SLX4: variants seen among roughly 807,000 people sequenced by gnomAD.
SLX4 encodes the protein structure-specific endonuclease subunit SLX4.
A neutral mutation model predicts 146.2 loss-of-function variants in SLX4; 112 were observed. The ratio of observed to expected loss-of-function variants is 0.77; its 90% confidence interval spans 0.66 to 0.90. The LOEUF is 0.90. Ranked by LOEUF, SLX4 falls within the 40% of genes least tolerant of loss-of-function variation. The pLI, the probability that SLX4 is intolerant of heterozygous loss-of-function variation, is 0.00. For missense variants in SLX4, 2,563 were observed against 2,392.7 expected, an observed-to-expected ratio of 1.07 and a Z score of -1.49; for synonymous variants, 1,061 against 997.7, an observed-to-expected ratio of 1.06 and a Z score of -1.20.
chr16:3,594,568 C>T lies in SLX4; in HGVS notation c.2045G>A (p.Gly682Asp). ...CAGGTGTGGGTTATTGACCATGGCG[C>T]CAAAGTCAGCAACCAGCAGCCCGAG... The part of the protein sequence containing the change: ...LSLGLLVADF[G>D]AMVNNPHLSD... Residue 682 changes from glycine to aspartate, a missense_variant, in exon 10 of 15, where the codon GGC becomes GAC. Gly to Asp is a moderately conservative substitution (Grantham distance 94). Coordinates refer to ENST00000294008, the MANE Select transcript of SLX4 (RefSeq NM_032444.4). 6.2e-7 allele frequency: 1 copy of T among 1,614,066 alleles called. No individual in the cohort carries two copies. The highest frequency in any genetic ancestry group is 8.5e-7 in the Non-Finnish European group (1 of 1,179,974).
At position 3,598,103 on chromosome 16, in the gene SLX4, G is replaced by A. The variant is rs561529828; in HGVS notation, c.1164-104C>T. On this transcript the variant is annotated intron_variant, in intron 5 of 14. Transcript: ENST00000294008. ...GGGCTGGGCCTGAGAGAAAAGTGAC[G>A]GATGTGGACCTGCCAGGCAGATGCG... 4.4e-4 allele frequency: 592 copies of A among 1,351,838 alleles called. 3 individuals carry two copies. Among genetic ancestry groups the A allele is most frequent in the Admixed American group, 3.5e-4 (20 of 56,496 alleles). The allele number at this position is 1,351,838 out of a possible 1,614,324, so 83.7% of individuals were successfully genotyped here.
chr16:3,590,561 T>A lies in SLX4; in HGVS notation c.3077A>T (p.Gln1026Leu), dbSNP rs2040574298. Residue 1026 changes from glutamine to leucine, a missense_variant, in exon 12 of 15, where the codon CAG (glutamine) becomes CTG (leucine). Physicochemically the swap from Gln to Leu is moderately radical, Grantham distance 113. Transcript: ENST00000294008. The surrounding 1 kb of genome is among the most constrained non-coding windows in gnomAD (Gnocchi z 4.8). ...LEVSHRLAPW[Q>L]ASPPHPCRFL... ...GCGGCACGGGTGCGGTGGAGATGCC[T>A]GCCAGGGAGCCAGGCGATGAGAAAC... 6 of 1,612,100 alleles carry A rather than the reference T, an allele frequency of 3.7e-6. No homozygotes were observed. In the African/African-American group the frequency reaches 6.7e-5, roughly 18 times the overall value.
chr16:3,584,767 A>G lies in SLX4; in HGVS notation c.4739+2T>C, dbSNP rs774356384. ...GGGCAACAAGCTTTGAAGACCGCCA[A>G]CCTATCCAGTTCCTTCTTCAGCACC... On this transcript the variant is annotated splice_donor_variant, in intron 13 of 14. Coordinates refer to ENST00000294008, the MANE Select transcript of SLX4 (RefSeq NM_032444.4). LOFTEE classifies it high-confidence loss of function. The G allele has an allele frequency of 1.2e-5, 20 of 1,611,028 alleles. No individual in the cohort carries two copies. The highest frequency in any genetic ancestry group is 1.7e-5 in the Admixed American group (1 of 60,008).
At chr16:3,599,729 G>C (rs1256914506) in intron 5 of SLX4, among the ~76,000 whole-genome samples, 1 of 152,192 alleles carries the variant, frequency 6.6e-6, no homozygotes, top group East Asian at 1.9e-4. Flanking sequence ...TGGGACTACA[G>C]GTGTGCAGCA....
intron 5 of SLX4, 106 bp from the exon 6 acceptor site, chr16:3,598,105 A>T: frequency 7.5e-7 from 1 of 1,325,410 alleles, no homozygotes; most frequent in Non-Finnish European, 1.1e-6. Flanking sequence ...AAAGTGACGG[A>T]TGTGGACCTG....
At chr16:3,587,327 C>G (rs1224106136) in intron 12 of SLX4, among the ~76,000 whole-genome samples, 1 of 152,136 alleles carries the variant, frequency 6.6e-6, no homozygotes, top group Non-Finnish European at 1.5e-5. Context: ...TGAAACCCGA[C>G]TCTACTAAAA....
Position 3,583,636 on chromosome 16 carries a change from GC to G in SLX4, c.4740-127del, listed in dbSNP as rs1223521149. On this transcript the variant is annotated intron_variant, in intron 13 of 14. Coordinates refer to ENST00000294008, the MANE Select transcript of SLX4 (RefSeq NM_032444.4). ...ATGGCTTGTGTGACAAACCATAGAT[GC>G]CTGACTTCTGTGAGCATCAGAGGTT... is the stretch of plus-strand genomic sequence containing the variant. The G allele has an allele frequency of 3.2e-5, 32 of 1,014,272 alleles. No homozygotes were observed. The Admixed American group carries it at 5.6e-4, about 18-fold the overall frequency. 62.8% of individuals were successfully genotyped at this position (1,014,272 alleles called of 1,614,324 possible). A position where few individuals can be genotyped will look rare whatever the true frequency, so the allele number is the denominator to read the frequency against.
intron 12 of SLX4, among the ~76,000 whole-genome samples, chr16:3,586,836 T>C (rs1046643362): frequency 2.0e-4 from 29 of 146,818 alleles, no homozygotes; most frequent in Non-Finnish European, 3.3e-4. Context: ...AAAAAAAGAA[T>C]AAAAAGGAAT....
Position 3,600,756 on chromosome 16 carries a change from A to G in SLX4, c.1163+223T>C, listed in dbSNP as rs1293922696. On this transcript the variant is annotated intron_variant, in intron 5 of 14. Coordinates refer to ENST00000294008, the MANE Select transcript of SLX4 (RefSeq NM_032444.4). ...GCTGGGACTACAGGCATGTGCCACC[A>G]TGCTAATTTTTGTATTTTTAGTAGA... The G allele has an allele frequency of 1.0e-5, 5 of 501,184 alleles. No homozygotes were observed. The East Asian group carries it at 1.9e-4, about 19-fold the overall frequency. 31.0% of individuals were successfully genotyped at this position (501,184 alleles called of 1,614,324 possible). A position where few individuals can be genotyped will look rare whatever the true frequency, so the allele number is the denominator to read the frequency against.
intron 10 of SLX4, among the ~76,000 whole-genome samples, chr16:3,593,846 A>AT (rs1181426990): frequency 6.6e-6 from 1 of 152,122 alleles, no homozygotes; most frequent in Non-Finnish European, 1.5e-5. Flanking sequence ...AGAGAAAACA[A>AT]TTCTGGGAAA....
chr16:3,591,351 G>C, intron 11 of SLX4, 41 bp from the exon 12 acceptor site: 1 of 1,604,036 alleles, frequency 6.2e-7, no homozygotes. Flanking sequence ...CCTCTGCGTG[G>C]AGATGGGCTC....
chr16:3,608,790 A>T lies in SLX4; in HGVS notation c.175T>A (p.Phe59Ile), dbSNP rs1259509269. The change falls in exon 2 of 15, where the codon TTC (phenylalanine) becomes ATC (isoleucine). Residue 59 changes from phenylalanine to isoleucine, a missense_variant. By Grantham distance (21) the Phe-to-Ile change is conservative. Coordinates refer to ENST00000294008, the MANE Select transcript of SLX4 (RefSeq NM_032444.4). Reference protein sequence around the residue: ...EDFKELCASFFQRVKKHGIKE... With the variant: ...EDFKELCASFIQRVKKHGIKE... Reference sequence around the variant, plus strand: ...ATTCCATGTTTTTTCACCCTTTGGAAAAAGCTAGCGCAGAGTTCTTTAAAG... The same window carrying T: ...ATTCCATGTTTTTTCACCCTTTGGATAAAGCTAGCGCAGAGTTCTTTAAAG... 1 of 1,614,028 alleles carries T rather than the reference A, an allele frequency of 6.2e-7. No homozygotes were observed. Among genetic ancestry groups the T allele is most frequent in the Non-Finnish European group, 8.5e-7 (1 of 1,180,032 alleles).
At chr16:3,584,644 G>A (rs904693227) in intron 13 of SLX4, 125 bp downstream of exon 13, 38 of 807,278 alleles carry the variant, frequency 4.7e-5, no homozygotes, top group Non-Finnish European at 7.8e-5. Context: ...CCCAAGCCCA[G>A]GCCAGCTGCA....
At position 3,590,083 on chromosome 16, in the gene SLX4, G is replaced by T. The variant is rs759621251; in HGVS notation, c.3555C>A (p.Ser1185Arg). 2 of 1,614,166 alleles carry T rather than the reference G, an allele frequency of 1.2e-6. No individual in the cohort carries two copies. Among genetic ancestry groups the T allele is most frequent in the Non-Finnish European group, 1.7e-6 (2 of 1,180,048 alleles). ...PLEEKKALEI[S>R]PRSCELFSII... Reference sequence around the variant, plus strand: ...TGGAAAACAGCTCACAGGACCTAGGGCTAATTTCTAGAGCTTTCTTTTCTT... The same window carrying T: ...TGGAAAACAGCTCACAGGACCTAGGTCTAATTTCTAGAGCTTTCTTTTCTT... The change falls in exon 12 of 15, where the codon AGC becomes AGA. Residue 1185 changes from serine to arginine, a missense_variant. Ser to Arg is a moderately radical substitution (Grantham distance 110, BLOSUM62 -1). Transcript: ENST00000294008. The surrounding 1 kb of genome is among the most constrained non-coding windows in gnomAD (Gnocchi z 4.8).
chr16:3,608,106 G>A (rs2040807259), intron 2 of SLX4, among the ~76,000 whole-genome samples: 1 of 152,164 alleles, frequency 6.6e-6, no homozygotes, highest in Non-Finnish European at 1.5e-5. Context: ...GATTGCTTGA[G>A]TCCAGGAGTT....
intron 11 of SLX4, among the ~76,000 whole-genome samples, chr16:3,592,118 G>A (rs112308041): frequency 6.6e-6 from 1 of 152,270 alleles, no homozygotes; most frequent in Non-Finnish European, 1.5e-5. Flanking sequence ...TGGCCCGTCA[G>A]TATATTTCCA....
At chr16:3,606,786 C>T (rs2040790716) in intron 2 of SLX4, 88 bp from the exon 3 acceptor site, 1 of 1,408,458 alleles carries the variant, frequency 7.1e-7, no homozygotes, top group African/African-American at 1.4e-5. Flanking sequence ...ACGCAAGTTT[C>T]AAGAGTCCTT....
chr16:3,582,717 T>C (rs2040454885), intron 14 of SLX4, 24 bp from the exon 15 acceptor site: 1 of 1,593,472 alleles, frequency 6.3e-7, no homozygotes, highest in Non-Finnish European at 8.6e-7. Context: ...GACCAGGACG[T>C]TGTGCAACCC....
chr16:3,604,501 A>C (rs1414914290), intron 3 of SLX4, among the ~76,000 whole-genome samples: 4 of 152,074 alleles, frequency 2.6e-5, no homozygotes, highest in Admixed American at 6.6e-5. Context: ...AATGTCTATA[A>C]TTTACCTTCA....
Sources: gnomAD v4.1 joint callset for allele counts (sites outside exome capture counted in the v4.1 genomes callset) on GRCh38, gnomAD v4.1.1 for gene constraint, Gnocchi (gnomAD v3.1) non-coding constraint, MANE v1.5 for transcripts, NCBI Gene and HGNC (gene_info 2026-07-23, HGNC 2026-07-21) for gene names.